The following HLA-DPB1 variants were observed in gnomAD, a reference collection of about 807,000 sequenced individuals.
The protein encoded by HLA-DPB1 is major histocompatibility complex, class II, DP beta 1, also known as HLA class II histocompatibility antigen, DP beta 1 chain.
Under a neutral mutation model 29.4 loss-of-function variants are expected in HLA-DPB1, and 30 were observed. The ratio of observed to expected loss-of-function variants is 1.02; its 90% CI spans 0.76 to 1.38. The LOEUF (loss-of-function observed/expected upper bound fraction) is 1.38. Among genes scored for constraint, HLA-DPB1 ranks in the 40% most tolerant of loss-of-function variants. HLA-DPB1 has a pLI of 0.00. For synonymous variants in HLA-DPB1, 114 were observed against 134.0 expected, an observed-to-expected ratio of 0.85 and a Z score of 1.03; for missense variants, 261 against 327.5, an observed-to-expected ratio of 0.80 and a Z score of 1.57.
At position 33,080,992 on chromosome 6, in the gene HLA-DPB1, G is replaced by A; in HGVS notation, c.364+57G>A. 6.7e-7 allele frequency: 1 copy of A among 1,497,294 alleles called. No homozygotes were observed. The highest frequency in any genetic ancestry group is 8.9e-7 in the Non-Finnish European group (1 of 1,129,736). The allele number at this position is 1,497,294 out of a possible 1,614,324, so 92.8% of individuals were successfully genotyped here. On this transcript the variant is annotated intron_variant, in intron 2 of 5. Coordinates refer to ENST00000418931, the MANE Select transcript of HLA-DPB1 (RefSeq NM_002121.6). The surrounding 1 kb of genome is among the most constrained non-coding windows in gnomAD (Gnocchi z 4.3). ...GGCAGCCCCGCGGGCCCGTGCCCAG[G>A]GCGCAGGAGCAGCCGGGTTGGCCTA...
intron 2 of HLA-DPB1, among the ~76,000 whole-genome samples, chr6:33,083,326 A>G (rs1464286842): frequency 1.3e-5 from 2 of 152,210 alleles, no homozygotes; most frequent in Non-Finnish European, 2.9e-5. Context: ...GTGATTAGGG[A>G]CCTAGAAGAC....
rs1469517271 is a variant in HLA-DPB1, at chr6:33,088,371, C to G, written c.*1837C>G. On this transcript the variant is annotated 3_prime_UTR_variant, in exon 6 of 6. Transcript: ENST00000418931. Reference sequence around the variant, plus strand: ...CAGTACCCCGAGTGGAGTGAACAATCTCTGGACTAACACTTGTCAGGATCA... The same window carrying G: ...CAGTACCCCGAGTGGAGTGAACAATGTCTGGACTAACACTTGTCAGGATCA... Among the ~76,000 whole-genome samples the G allele has an allele frequency of 1.4e-5, 2 of 140,594 alleles. No individual in the cohort carries two copies. The highest frequency in any genetic ancestry group is 3.1e-5 in the Non-Finnish European group (2 of 63,752). The allele number at this position is 140,594 out of a possible 152,430, so 92.2% of individuals were successfully genotyped here. A position where few individuals can be genotyped will look rare whatever the true frequency, so the allele number is the denominator to read the frequency against.
In HLA-DPB1 at chr6:33,080,703, C is replaced by T. The variant is rs1421339144; in HGVS notation, c.132C>T (p.Cys44=). ...ENYLFQGRQE[C]YAFNGTQRFL... Reference sequence around the variant, plus strand: ...ACCTTTTCCAGGGACGGCAGGAATGCTACGCGTTTAATGGGACACAGCGCT... The same window carrying T: ...ACCTTTTCCAGGGACGGCAGGAATGTTACGCGTTTAATGGGACACAGCGCT... The change falls in exon 2 of 6, where the codon TGC becomes TGT. Residue 44 remains cysteine, a synonymous_variant. Transcript: ENST00000418931. This position sits in a 1 kb window ranked among gnomAD's most constrained non-coding sequence, Gnocchi z 4.3. 1 of 1,613,116 alleles carries T rather than the reference C, an allele frequency of 6.2e-7. No homozygotes were observed. The highest frequency in any genetic ancestry group is 8.5e-7 in the Non-Finnish European group (1 of 1,179,724).
chr6:33,080,883 G>A lies in HLA-DPB1; in HGVS notation c.312G>A (p.Arg104=), dbSNP rs41545021. The change falls in exon 2 of 6, where the codon AGG becomes AGA. Residue 104 remains arginine, a synonymous_variant. Transcript: ENST00000418931. This position sits in a 1 kb window ranked among gnomAD's most constrained non-coding sequence, Gnocchi z 4.3. The part of the protein sequence containing the change: ...ILEEKRAVPD[R]MCRHNYELGG... ...AGGAGAAGCGGGCAGTGCCGGACAG[G>A]ATGTGCAGACACAACTACGAGCTGG... is the stretch of plus-strand genomic sequence containing the variant. The A allele has an allele frequency of 1.2e-6, 2 of 1,600,332 alleles. No individual in the cohort carries two copies. The highest frequency in any genetic ancestry group is 3.3e-5 in the Admixed American group (2 of 59,824).
Position 33,078,538 on chromosome 6 carries a change from C to T in HLA-DPB1, c.101-2134C>T, listed in dbSNP as rs114723667. ...AATATATCCTATTCTGAATAAGAGA[C>T]GAATTCATTCAGATCAGTGGTTTCA... On this transcript the variant is annotated intron_variant, in intron 1 of 5. Transcript: ENST00000418931. Among the ~76,000 whole-genome samples, 941 of 152,186 alleles carry T rather than the reference C, an allele frequency of 6.2e-3. 11 individuals are homozygous for T. Among genetic ancestry groups the T allele is most frequent in the African/African-American group, 0.022 (897 of 41,498 alleles).
At position 33,086,251 on chromosome 6, in the gene HLA-DPB1, C is replaced by A. The variant is rs1414288906; in HGVS notation, c.*4+9C>A. 1.3e-6 allele frequency: 2 copies of A among 1,578,254 alleles called. No homozygotes were observed. The highest frequency in any genetic ancestry group is 3.3e-5 in the Admixed American group (2 of 59,936). ...AGGATCTGCATAAACAGGTAATATT[C>A]CTGCTTTGATTTCCTTGTGGGGTGG... On this transcript the variant is annotated intron_variant, in intron 5 of 5. Coordinates refer to ENST00000418931, the MANE Select transcript of HLA-DPB1 (RefSeq NM_002121.6).
At position 33,085,762 on chromosome 6, in the gene HLA-DPB1, G is replaced by T; in HGVS notation, c.647-17G>T. On this transcript the variant is annotated splice_polypyrimidine_tract_variant and intron_variant, in intron 3 of 5. Transcript: ENST00000418931. Reference sequence around the variant, plus strand: ...AGCTGGTGGAGGTGACACTAAACCTGGGTCTGTCCTTCCCAGAGGCACAGT... The same window carrying T: ...AGCTGGTGGAGGTGACACTAAACCTTGGTCTGTCCTTCCCAGAGGCACAGT... The T allele has an allele frequency of 3.2e-6, 5 of 1,574,986 alleles. No homozygotes were observed. Among genetic ancestry groups the T allele is most frequent in the Non-Finnish European group, 4.4e-6 (5 of 1,144,944 alleles).
Position 33,080,684 on chromosome 6 carries a change from T to A in HLA-DPB1, c.113T>A (p.Phe38Tyr), listed in dbSNP as rs1126509. Residue 38 changes from phenylalanine (F) to tyrosine (Y), a missense_variant, in exon 2 of 6, where the codon TTC becomes TAC. Phe to Tyr is a conservative substitution (Grantham distance 22, BLOSUM62 3). Transcript: ENST00000418931. This position sits in a 1 kb window ranked among gnomAD's most constrained non-coding sequence, Gnocchi z 4.3. Reference protein sequence around the residue: ...QGRATPENYLFQGRQECYAFN... With the variant: ...QGRATPENYLYQGRQECYAFN... ...CCCCTCCCCGCAGAGAATTACCTTT[T>A]CCAGGGACGGCAGGAATGCTACGCG... 0.29 allele frequency: 466,387 copies of A among 1,602,590 alleles called. 74,280 individuals carry two copies. Among genetic ancestry groups the A allele is most frequent in the African/African-American group, 0.62 (46,156 of 74,708 alleles).
At chr6:33,081,105 G>C in intron 2 of HLA-DPB1, 170 bp downstream of exon 2, 1 of 763,670 alleles carries the variant, frequency 1.3e-6, no homozygotes, top group South Asian at 1.9e-5. Flanking sequence ...GAGCGAGCGC[G>C]GGGACCTGGA....
chr6:33,084,830 C>G (rs557199080), intron 2 of HLA-DPB1, 120 bp from the exon 3 acceptor site: 1 of 684,896 alleles, frequency 1.5e-6, no homozygotes, highest in Non-Finnish European at 2.3e-6. Context: ...AAAGAAAGAG[C>G]GAGATTATGT....
intron 4 of HLA-DPB1, 116 bp downstream of exon 4, chr6:33,086,005 T>G (rs1292990063): frequency 3.8e-6 from 3 of 780,922 alleles, no homozygotes; most frequent in Admixed American, 5.0e-5. Flanking sequence ...GCCACTGATA[T>G]CAGATAATCG....
At position 33,080,336 on chromosome 6, in the gene HLA-DPB1, T is replaced by C; in HGVS notation, c.101-336T>C. The C allele has an allele frequency of 2.0e-6, 1 of 504,422 alleles. No individual in the cohort carries two copies. The highest frequency in any genetic ancestry group is 3.9e-6 in the Non-Finnish European group (1 of 256,532). The allele number at this position is 504,422 out of a possible 1,614,324, so 31.2% of individuals were successfully genotyped here. A position where few individuals can be genotyped will look rare whatever the true frequency, so the allele number is the denominator to read the frequency against. The stretch of plus-strand genomic sequence containing the variant: ...TCCCCAGCTCCTCCCGCCCCTGTTT[T>C]TTCTCCCAGTGACCCCACGTGAAAC... On this transcript the variant is annotated intron_variant, in intron 1 of 5. Coordinates refer to ENST00000418931, the MANE Select transcript of HLA-DPB1 (RefSeq NM_002121.6). This position sits in a 1 kb window ranked among gnomAD's most constrained non-coding sequence, Gnocchi z 4.3.
Position 33,086,770 on chromosome 6 carries a change from C to T in HLA-DPB1, c.*236C>T, listed in dbSNP as rs1763127150. 1 of 353,386 alleles carries T rather than the reference C, an allele frequency of 2.8e-6. No homozygotes were observed. Among genetic ancestry groups the T allele is most frequent in the African/African-American group, 2.2e-5 (1 of 44,706 alleles). 21.9% of individuals were successfully genotyped at this position (353,386 alleles called of 1,614,324 possible). On this transcript the variant is annotated 3_prime_UTR_variant, in exon 6 of 6. Transcript: ENST00000418931. Reference sequence around the variant, plus strand: ...AGCACCACAAATAATCAAAACCCAACATGACTGTTTGTTTTCCTTTAAAAA... The same window carrying T: ...AGCACCACAAATAATCAAAACCCAATATGACTGTTTGTTTTCCTTTAAAAA...
intron 1 of HLA-DPB1, among the ~76,000 whole-genome samples, chr6:33,076,778 G>A (rs1394687078): frequency 1.3e-5 from 2 of 152,078 alleles, no homozygotes; most frequent in South Asian, 2.1e-4. Flanking sequence ...TGCATGACAG[G>A]GATTGAGTGT....
chr6:33,077,044 T>G (rs1038593180), intron 1 of HLA-DPB1, among the ~76,000 whole-genome samples: 6 of 151,268 alleles, frequency 4.0e-5, no homozygotes, highest in African/African-American at 1.2e-4. Context: ...ACATTAGGTA[T>G]ATTTCCTAAT....
Position 33,078,952 on chromosome 6 carries a change from G to A in HLA-DPB1, c.101-1720G>A, listed in dbSNP as rs555030313. ...TGGACTCAAGGAGCTGGGGGGCTCT[G>A]GGCCTGGAATTTTAGGGTCTGGGGC... On this transcript the variant is annotated intron_variant, in intron 1 of 5. Coordinates refer to ENST00000418931, the MANE Select transcript of HLA-DPB1 (RefSeq NM_002121.6). Among the ~76,000 whole-genome samples the A allele has an allele frequency of 1.1e-3, 170 of 152,218 alleles. 2 individuals are homozygous for A. The highest frequency in any genetic ancestry group is 1.3e-4 in the Non-Finnish European group (9 of 68,008).
rs972295140 is a variant in HLA-DPB1, at chr6:33,080,359, A to G, written c.101-313A>G. On this transcript the variant is annotated intron_variant, in intron 1 of 5. Transcript: ENST00000418931. The surrounding 1 kb of genome is among the most constrained non-coding windows in gnomAD (Gnocchi z 4.3). ...TTTTTCTCCCAGTGACCCCACGTGA[A>G]ACGTCTCCGCCTCCTCCAGCCACCA... The G allele has an allele frequency of 1.9e-5, 11 of 567,368 alleles. No homozygotes were observed. Among genetic ancestry groups the G allele is most frequent in the Non-Finnish European group, 3.8e-5 (11 of 292,496 alleles). 35.1% of individuals were successfully genotyped at this position (567,368 alleles called of 1,614,324 possible).
chr6:33,084,891 A>AGGAAGGAAGGAG lies in HLA-DPB1; in HGVS notation c.365-51_365-50insGGAGGGAAGGAA, dbSNP rs1337860616. On this transcript the variant is annotated intron_variant, in intron 2 of 5. Coordinates refer to ENST00000418931, the MANE Select transcript of HLA-DPB1 (RefSeq NM_002121.6). ...AAGGAAGGAAGGAAGGAAGGAAGGA[A>AGGAAGGAAGGAG]GGAAGGAAAGAAGGACAATCTCAAA... 291 of 626,080 alleles carry AGGAAGGAAGGAG rather than the reference A, an allele frequency of 4.6e-4. 65 individuals are homozygous for AGGAAGGAAGGAG. In the African/African-American group the frequency reaches 0.015, roughly 33 times the overall value. The allele number at this position is 626,080 out of a possible 1,614,324, so 38.8% of individuals were successfully genotyped here. A position where few individuals can be genotyped will look rare whatever the true frequency, so the allele number is the denominator to read the frequency against.
At position 33,080,472 on chromosome 6, in the gene HLA-DPB1, CT is replaced by C. The variant is rs1396097432; in HGVS notation, c.101-199del. On this transcript the variant is annotated intron_variant, in intron 1 of 5. Coordinates refer to ENST00000418931, the MANE Select transcript of HLA-DPB1 (RefSeq NM_002121.6). The surrounding 1 kb of genome is among the most constrained non-coding windows in gnomAD (Gnocchi z 4.3). ...GCTCATTCTTTTCAGTAAATTCTCT[CT>C]CTGCGTGGTGAGAAAACAGGCCTGG... The C allele has an allele frequency of 1.7e-5, 13 of 765,780 alleles. No homozygotes were observed. Among genetic ancestry groups the C allele is most frequent in the Non-Finnish European group, 2.8e-5 (12 of 432,702 alleles). 47.4% of individuals were successfully genotyped at this position (765,780 alleles called of 1,614,324 possible). A position where few individuals can be genotyped will look rare whatever the true frequency, so the allele number is the denominator to read the frequency against.
Sources: allele counts gnomAD v4.1 joint callset (sites outside exome capture counted in the v4.1 genomes callset), GRCh38; gene constraint gnomAD v4.1.1; non-coding constraint Gnocchi (gnomAD v3.1); transcripts MANE v1.5; gene names NCBI Gene and HGNC (gene_info 2026-07-23, HGNC 2026-07-21).